The following TAOK1 variants were observed in gnomAD, a reference collection of about 807,000 sequenced individuals.
TAOK1 encodes TAO kinase 1.
A neutral mutation model predicts 138.3 loss-of-function variants in TAOK1; 21 were observed. That is an observed-to-expected ratio of 0.15 (90% CI 0.11 to 0.22). TAOK1 has a LOEUF of 0.22. Among genes scored for constraint, TAOK1 ranks in the 10% least tolerant of loss-of-function variants. The probability of loss-of-function intolerance (pLI) is 1.00; values close to 1 mark genes in which losing one functional copy is unlikely to be tolerated. For missense variants in TAOK1, 651 were observed against 1,227.7 expected, an observed-to-expected ratio of 0.53 and a Z score of 7.02; for synonymous variants, 361 against 398.4, an observed-to-expected ratio of 0.91 and a Z score of 1.12.
At chr17:29,472,893 A>C (rs2030859148) in intron 3 of TAOK1, among the ~76,000 whole-genome samples, 1 of 152,184 alleles carries the variant, frequency 6.6e-6, no homozygotes, top group Admixed American at 6.5e-5. Context: ...CTTAAATAAT[A>C]AGGCTTGGAA....
rs1183197410 is a variant in TAOK1 at position 29,479,819 on chromosome 17, T to G, written c.450-549T>G. Among the ~76,000 whole-genome samples, 4 of 152,206 alleles carry G rather than the reference T, an allele frequency of 2.6e-5. No homozygotes were observed. In the East Asian group the frequency reaches 7.7e-4, roughly 29 times the overall value. On this transcript the variant is annotated intron_variant, in intron 6 of 19. Coordinates refer to ENST00000261716, the MANE Select transcript of TAOK1 (RefSeq NM_020791.4). ...TGTTTGCTATTTCAGAAAAGTAAAT[T>G]TGGGATCATTGATACTACATTATCC...
intron 1 of TAOK1, among the ~76,000 whole-genome samples, chr17:29,393,748 G>C (rs1904502239): frequency 6.6e-6 from 1 of 152,128 alleles, no homozygotes; most frequent in African/African-American, 2.4e-5. Context: ...AAGAATTTCT[G>C]AGAATCAGCT....
At chr17:29,530,651 T>A (rs1374186438) in intron 18 of TAOK1, 32 bp downstream of exon 18, 2 of 1,558,926 alleles carry the variant, frequency 1.3e-6, no homozygotes, top group Non-Finnish European at 1.8e-6. Flanking sequence ...CAAAACAAAT[T>A]TAGTGCCCCT....
At chr17:29,523,758 A>G (rs1484593075) in intron 17 of TAOK1, among the ~76,000 whole-genome samples, 2 of 152,202 alleles carry the variant, frequency 1.3e-5, no homozygotes, top group African/African-American at 4.8e-5. Flanking sequence ...CTCTGTACAT[A>G]TCTGTACATT....
chr17:29,439,709 G>A (rs1906152205), intron 1 of TAOK1, among the ~76,000 whole-genome samples: 2 of 151,582 alleles, frequency 1.3e-5, no homozygotes, highest in African/African-American at 2.4e-5. Context: ...AGATTTTTTA[G>A]TGTGGAGTTA....
Position 29,543,091 on chromosome 17 carries a change from C to A in TAOK1, c.*69C>A. The A allele has an allele frequency of 7.5e-7, 1 of 1,336,324 alleles. No homozygotes were observed. The highest frequency in any genetic ancestry group is 1.0e-6 in the Non-Finnish European group (1 of 985,054). 82.8% of individuals were successfully genotyped at this position (1,336,324 alleles called of 1,614,324 possible). On this transcript the variant is annotated 3_prime_UTR_variant, in exon 20 of 20. Transcript: ENST00000261716. ...AAGAAACTGCCTACAGACATCATCA[C>A]AGCAGCCTCCTCACTTGGGTACTAC...
At chr17:29,479,866 A>G (rs887914987) in intron 6 of TAOK1, among the ~76,000 whole-genome samples, 3 of 152,038 alleles carry the variant, frequency 2.0e-5, no homozygotes, top group Non-Finnish European at 4.4e-5. Context: ...TTTTTATTTT[A>G]TATTTAGGAA....
At position 29,472,855 on chromosome 17, in the gene TAOK1, C is replaced by T. The variant is rs560281125; in HGVS notation, c.205-2815C>T. Among the ~76,000 whole-genome samples, 13 of 152,286 alleles carry T rather than the reference C, an allele frequency of 8.5e-5. No homozygotes were observed. In the East Asian group the frequency reaches 2.1e-3, roughly 25 times the overall value. On this transcript the variant is annotated intron_variant, in intron 3 of 19. Transcript: ENST00000261716. ...CCTCCCAAAGTGCTGGGATTACAGG[C>T]GTGAGCCACTGTGCCCTGCTGGCCT...
At chr17:29,514,434 A>G (rs1004049575) in intron 15 of TAOK1, 1 of 152,110 alleles carries the variant, frequency 6.6e-6, no homozygotes. Context: ...AATACTGCTC[A>G]CTGCAGCCTT....
At chr17:29,461,060 C>T (rs1432616593) in intron 2 of TAOK1, among the ~76,000 whole-genome samples, 1 of 152,060 alleles carries the variant, frequency 6.6e-6, no homozygotes, top group Admixed American at 6.6e-5. Context: ...TTGAAGGTCT[C>T]ATAGTCTCAG....
At chr17:29,414,180 G>A (rs1905212899) in intron 1 of TAOK1, among the ~76,000 whole-genome samples, 1 of 151,944 alleles carries the variant, frequency 6.6e-6, no homozygotes, top group African/African-American at 2.4e-5. Context: ...ACCACGCCCA[G>A]CCTGTTTCTA....
intron 1 of TAOK1, among the ~76,000 whole-genome samples, chr17:29,403,527 T>A (rs900854039): frequency 3.9e-5 from 6 of 152,174 alleles, no homozygotes; most frequent in Non-Finnish European, 8.8e-5. Flanking sequence ...TATATGTTGT[T>A]TTATTTAATA....
At chr17:29,463,358 T>G (rs1286452623) in intron 2 of TAOK1, among the ~76,000 whole-genome samples, 1 of 151,946 alleles carries the variant, frequency 6.6e-6, no homozygotes, top group Non-Finnish European at 1.5e-5. Flanking sequence ...TCACCCAAGG[T>G]CAGGAGTTTG....
intron 17 of TAOK1, among the ~76,000 whole-genome samples, chr17:29,523,511 C>G (rs2031956880): frequency 6.6e-6 from 1 of 152,136 alleles, no homozygotes; most frequent in African/African-American, 2.4e-5. Flanking sequence ...CCTCAGCCTC[C>G]CTAGTAGCTG....
chr17:29,436,616 TA>T (rs1490154889), intron 1 of TAOK1, among the ~76,000 whole-genome samples: 2 of 152,192 alleles, frequency 1.3e-5, no homozygotes, highest in African/African-American at 4.8e-5. Flanking sequence ...TCAGGGTAAT[TA>T]TAGTCAGAAA....
chr17:29,445,808 T>A (rs1057492758), intron 1 of TAOK1, among the ~76,000 whole-genome samples: 2 of 152,208 alleles, frequency 1.3e-5, no homozygotes, highest in Non-Finnish European at 2.9e-5. Context: ...AAGCCATCAA[T>A]GTCATGATGG....
chr17:29,481,097 A>G (rs568212389), intron 7 of TAOK1, among the ~76,000 whole-genome samples: 1 of 152,046 alleles, frequency 6.6e-6, no homozygotes, highest in East Asian at 1.9e-4. Context: ...GTGGCAGATA[A>G]TTTTCTTTAA....
intron 18 of TAOK1, 85 bp from the exon 19 acceptor site, chr17:29,534,033 C>A: frequency 7.4e-7 from 1 of 1,355,658 alleles, no homozygotes; most frequent in Non-Finnish European, 9.7e-7. Flanking sequence ...TGTCTTCTAA[C>A]ACTCCTCCTC....
At chr17:29,517,982 A>G (rs1203069005) in intron 16 of TAOK1, among the ~76,000 whole-genome samples, 1 of 152,018 alleles carries the variant, frequency 6.6e-6, no homozygotes, top group Non-Finnish European at 1.5e-5. Context: ...CAGCCTCCCA[A>G]ATAGCTAGGA....
Sources: gnomAD v4.1 joint callset for allele counts (sites outside exome capture counted in the v4.1 genomes callset) on GRCh38, gnomAD v4.1.1 for gene constraint, MANE v1.5 for transcripts, NCBI Gene and HGNC (gene_info 2026-07-23, HGNC 2026-07-21) for gene names.